The following ATRNL1 variants were observed in gnomAD, a reference collection of about 807,000 sequenced individuals.
The protein encoded by ATRNL1 is attractin like 1, also known as attractin-like protein 1.
ATRNL1 carries 95 observed loss-of-function variants against 182.7 expected under a neutral mutation model. The observed-to-expected ratio is 0.52, with a 90% CI of 0.44 to 0.62. The LOEUF (loss-of-function observed/expected upper bound fraction) is 0.62. ATRNL1 is among the 20% of genes least tolerant of loss of function. ATRNL1 has a pLI of 0.00. For synonymous variants in ATRNL1, 576 were observed against 568.3 expected (o/e 1.01, Z -0.19); for missense variants, 1,471 against 1,679.5 (o/e 0.88, Z 2.17).
chr10:115,519,840 A>T (rs1197551103), intron 25 of ATRNL1, among the ~76,000 whole-genome samples: 1 of 152,194 alleles, frequency 6.6e-6, no homozygotes, highest in African/African-American at 2.4e-5. Flanking sequence ...TTAAAATGCT[A>T]ATTTGCAATA....
chr10:115,314,885 A>G (rs1357179783), intron 17 of ATRNL1, among the ~76,000 whole-genome samples: 1 of 152,198 alleles, frequency 6.6e-6, no homozygotes, highest in Non-Finnish European at 1.5e-5. Context: ...ATAGCCCTGA[A>G]AACTAGAATG....
At chr10:115,199,416 T>C (rs1252575996) in intron 8 of ATRNL1, among the ~76,000 whole-genome samples, 1 of 151,236 alleles carries the variant, frequency 6.6e-6, no homozygotes, top group Non-Finnish European at 1.5e-5. Context: ...AATACAAAAA[T>C]TAGCTGGCGT....
intron 19 of ATRNL1, among the ~76,000 whole-genome samples, chr10:115,371,865 T>C (rs1857412348): frequency 6.6e-6 from 1 of 152,134 alleles, no homozygotes; most frequent in Non-Finnish European, 1.5e-5. Context: ...TCATCTTGAA[T>C]TGTAGCCCCC....
chr10:115,195,422 G>T (rs1554890810), intron 8 of ATRNL1, among the ~76,000 whole-genome samples: 2 of 151,998 alleles, frequency 1.3e-5, no homozygotes, highest in African/African-American at 4.8e-5. Context: ...CTTTGAAAAT[G>T]TCATCTCGCT....
chr10:115,286,133 A>T (rs1852600285), intron 14 of ATRNL1, 83 bp from the exon 15 acceptor site: 1 of 650,578 alleles, frequency 1.5e-6, no homozygotes, highest in Non-Finnish European at 2.7e-6. Flanking sequence ...AATTTAAACA[A>T]ATACAGAAGT....
chr10:115,849,600 T>C (rs1315739704), intron 28 of ATRNL1, among the ~76,000 whole-genome samples: 1 of 152,224 alleles, frequency 6.6e-6, no homozygotes, highest in Non-Finnish European at 1.5e-5. Flanking sequence ...GTTAATGTTA[T>C]CTTAGATATG....
chr10:115,785,084 G>C (rs566992808), intron 27 of ATRNL1, among the ~76,000 whole-genome samples: 1 of 152,152 alleles, frequency 6.6e-6, no homozygotes. Context: ...TCTAAACCAG[G>C]TATAGGTAAG....
rs574144128 is a variant in ATRNL1, at chr10:115,196,187, G to A, written c.1349-19510G>A. ...TGCCTGAATGAATGAATGAATGAATGAATAAATATCCAATTGTTCCAGCTT... is the reference window on the plus strand; with the variant it reads ...TGCCTGAATGAATGAATGAATGAATAAATAAATATCCAATTGTTCCAGCTT... On this transcript the variant is annotated intron_variant, in intron 8 of 28. Coordinates refer to ENST00000355044, the MANE Select transcript of ATRNL1 (RefSeq NM_207303.4). 7.9e-5 allele frequency among the ~76,000 whole-genome samples: 12 copies of A among 151,974 alleles called. No individual in the cohort carries two copies. In the South Asian group the frequency reaches 1.0e-3, roughly 13 times the overall value.
intron 28 of ATRNL1, among the ~76,000 whole-genome samples, chr10:115,921,350 T>G (rs1555118723): frequency 7.2e-5 from 11 of 152,122 alleles, no homozygotes; most frequent in Non-Finnish European, 5.9e-5. Flanking sequence ...CAGAAGTTTA[T>G]ATGTGAACTA....
chr10:115,205,797 A>G (rs1316855784), intron 8 of ATRNL1, among the ~76,000 whole-genome samples: 1 of 152,018 alleles, frequency 6.6e-6, no homozygotes, highest in Non-Finnish European at 1.5e-5. Flanking sequence ...TATTTCATCT[A>G]CAAACATTGA....
At chr10:115,103,140 C>G (rs375750794) in intron 1 of ATRNL1, among the ~76,000 whole-genome samples, 1 of 151,138 alleles carries the variant, frequency 6.6e-6, no homozygotes, top group Non-Finnish European at 1.5e-5. Flanking sequence ...TGGGTTCACG[C>G]GATTCTCGTG....
chr10:115,911,718 G>A (rs1372778967), intron 28 of ATRNL1, among the ~76,000 whole-genome samples: 4 of 152,172 alleles, frequency 2.6e-5, no homozygotes, highest in Non-Finnish European at 5.9e-5. Flanking sequence ...CAGGAGAGAA[G>A]AGTGTGGTCA....
At chr10:115,385,862 A>T (rs78366492) in intron 19 of ATRNL1, among the ~76,000 whole-genome samples, 1,788 of 152,270 alleles carry the variant, frequency 0.012, 34 homozygotes, top group African/African-American at 0.04. Flanking sequence ...TGAAAACTAA[A>T]TTGATGGAAT....
intron 28 of ATRNL1, among the ~76,000 whole-genome samples, chr10:115,914,545 G>T (rs1952786422): frequency 6.6e-6 from 1 of 152,158 alleles, no homozygotes; most frequent in Non-Finnish European, 1.5e-5. Flanking sequence ...GACCAGCAAG[G>T]ACTTCCAGGT....
At chr10:115,518,683 G>T (rs1315735383) in intron 24 of ATRNL1, among the ~76,000 whole-genome samples, 1 of 151,854 alleles carries the variant, frequency 6.6e-6, no homozygotes, top group Non-Finnish European at 1.5e-5. Context: ...ATGCTATATT[G>T]TTGATTGATA....
chr10:115,152,020 C>T lies in ATRNL1; in HGVS notation c.830-8020C>T, dbSNP rs572973778. 5.3e-5 allele frequency among the ~76,000 whole-genome samples: 8 copies of T among 152,168 alleles called. No homozygotes were observed. The East Asian group carries it at 1.5e-3, about 29-fold the overall frequency. ...GTCAGGTTTGTCAAAGATCAGATGGCTGTAGATGTGTGATATTATTTCTGA... is the reference window on the plus strand; with the variant it reads ...GTCAGGTTTGTCAAAGATCAGATGGTTGTAGATGTGTGATATTATTTCTGA... On this transcript the variant is annotated intron_variant, in intron 5 of 28. Coordinates refer to ENST00000355044, the MANE Select transcript of ATRNL1 (RefSeq NM_207303.4).
At chr10:115,889,631 G>T (rs1469338504) in intron 28 of ATRNL1, among the ~76,000 whole-genome samples, 1 of 152,174 alleles carries the variant, frequency 6.6e-6, no homozygotes, top group Non-Finnish European at 1.5e-5. Flanking sequence ...CAGCAATTCT[G>T]CAGTACAGGC....
At chr10:115,788,513 T>C (rs1555080938) in intron 27 of ATRNL1, among the ~76,000 whole-genome samples, 2 of 152,220 alleles carry the variant, frequency 1.3e-5, no homozygotes, top group Non-Finnish European at 2.9e-5. Context: ...CTCAAATGGC[T>C]AATTATATTT....
chr10:115,344,163 C>T lies in ATRNL1; in HGVS notation c.3175+9744C>T, dbSNP rs185378928. On this transcript the variant is annotated intron_variant, in intron 19 of 28. Transcript: ENST00000355044. The stretch of plus-strand genomic sequence containing the variant: ...CCTGTGTTCGCCTAAAGTCCTGGGG[C>T]TCTACAATCAGCAGGTGGCAAAGCC... 1.5e-4 allele frequency among the ~76,000 whole-genome samples: 23 copies of T among 152,242 alleles called. No homozygotes were observed. The East Asian group carries it at 1.7e-3, about 12-fold the overall frequency.
Sources: allele counts gnomAD v4.1 joint callset (sites outside exome capture counted in the v4.1 genomes callset), GRCh38; gene constraint gnomAD v4.1.1; transcripts MANE v1.5; gene names NCBI Gene and HGNC (gene_info 2026-07-23, HGNC 2026-07-21).